The following INSR variants were observed in gnomAD, a reference collection of about 807,000 sequenced individuals.
INSR encodes the protein IR.
A neutral mutation model predicts 142.6 loss-of-function variants in INSR; 67 were observed. The observed-to-expected ratio is 0.47, with a 90% confidence interval of 0.39 to 0.58. The LOEUF is 0.58. INSR is among the 20% of genes least tolerant of loss of function. The pLI is 0.00. For missense variants in INSR, 1,248 were observed against 1,833.2 expected, an observed-to-expected ratio of 0.68 and a Z score of 5.83; for synonymous variants, 756 against 743.1, an observed-to-expected ratio of 1.02 and a Z score of -0.28.
rs181122636 is a variant in INSR at position 7,292,203 on chromosome 19, G to A, written c.100+1589C>T. On this transcript the variant is annotated intron_variant, in intron 1 of 21. Transcript: ENST00000302850. ...CCTCCCGGGTTCAAGCAATTGTCCC[G>A]CCTCAGCCTCCCAAGTAGCTGGGAC... Among the ~76,000 whole-genome samples the A allele has an allele frequency of 2.3e-3, 352 of 151,964 alleles. 3 individuals carry two copies. The highest frequency in any genetic ancestry group is 0.01 in the Middle Eastern group (3 of 294).
rs887665172 is a variant in INSR, at chr19:7,284,049, T to C, written c.100+9743A>G. On this transcript the variant is annotated intron_variant, in intron 1 of 21. Coordinates refer to ENST00000302850, the MANE Select transcript of INSR (RefSeq NM_000208.4). ...ACATGCCTTTGTGTGTGTGTGTTGGTTTTGGAGTTTTTTTGTTTTTTTGGG... is the reference window on the plus strand; with the variant it reads ...ACATGCCTTTGTGTGTGTGTGTTGGCTTTGGAGTTTTTTTGTTTTTTTGGG... Among the ~76,000 whole-genome samples, 22 of 151,710 alleles carry C rather than the reference T, an allele frequency of 1.5e-4. 1 individual carries two copies. The highest frequency in any genetic ancestry group is 6.8e-3 in the Middle Eastern group (2 of 294).
chr19:7,231,524 C>T (rs552019918), intron 2 of INSR, among the ~76,000 whole-genome samples: 1 of 152,034 alleles, frequency 6.6e-6, no homozygotes, highest in East Asian at 1.9e-4. Context: ...TGGTCTCGAA[C>T]TGCTGACCAC....
In INSR at chr19:7,267,677, G is replaced by A. The variant is rs140762552; in HGVS notation, c.320C>T (p.Thr107Met). The A allele has an allele frequency of 3.7e-5, 59 of 1,613,990 alleles. No individual in the cohort carries two copies. The African/African-American group carries it at 6.9e-4, about 19-fold the overall frequency. Residue 107 changes from threonine to methionine, a missense_variant, in exon 2 of 22, where the codon ACG (threonine) becomes ATG (methionine). This residue lies in a region of INSR where 1,069 missense variants were observed against 1,654.0 expected (regional missense o/e 0.65). Coordinates refer to ENST00000302850, the MANE Select transcript of INSR (RefSeq NM_000208.4). This position sits in a 1 kb window ranked among gnomAD's most constrained non-coding sequence, Gnocchi z 6.3. The stretch of plus-strand genomic sequence containing the variant: ...GAACAGTCGTGATCCCCGGATGACC[G>A]TGAGGTTGGGGAACAGGTCCTTCAG... ...ESLKDLFPNL[T>M]VIRGSRLFFN...
At chr19:7,132,059 G>A (rs903057374) in intron 14 of INSR, 99 bp downstream of exon 14, 9 of 1,460,708 alleles carry the variant, frequency 6.2e-6, no homozygotes, top group Non-Finnish European at 8.6e-6. Flanking sequence ...CAAGGCCAGG[G>A]CCAGCACCTG....
At chr19:7,246,081 T>A (rs534960668) in intron 2 of INSR, among the ~76,000 whole-genome samples, 1 of 152,164 alleles carries the variant, frequency 6.6e-6, no homozygotes, top group Non-Finnish European at 1.5e-5. Context: ...GTTATTGTAC[T>A]CATGAACCTA....
At chr19:7,289,492 G>A (rs1968434257) in intron 1 of INSR, among the ~76,000 whole-genome samples, 1 of 136,966 alleles carries the variant, frequency 7.3e-6, no homozygotes, top group African/African-American at 2.7e-5. Flanking sequence ...TGCAAGCTCT[G>A]CCTCCCAGGT....
chr19:7,153,051 C>T, intron 9 of INSR, 124 bp from the exon 10 acceptor site: 2 of 394,200 alleles, frequency 5.1e-6, no homozygotes, highest in Non-Finnish European at 8.9e-6. Context: ...CCACACACCC[C>T]CCCACACACA....
At chr19:7,210,519 T>C (rs1366863170) in intron 2 of INSR, among the ~76,000 whole-genome samples, 5 of 151,982 alleles carry the variant, frequency 3.3e-5, no homozygotes. Flanking sequence ...CACTTTCTCC[T>C]CGCTGTGCGA....
intron 2 of INSR, among the ~76,000 whole-genome samples, chr19:7,196,682 CAT>C (rs1022429096): frequency 3.9e-4 from 59 of 151,850 alleles, no homozygotes; most frequent in African/African-American, 1.1e-3. Context: ...GATAGCTCCA[CAT>C]ATGTTAATAA....
At position 7,125,204 on chromosome 19, in the gene INSR, T is replaced by A; in HGVS notation, c.3258+79A>T. 6.4e-7 allele frequency: 1 copy of A among 1,571,610 alleles called. No individual in the cohort carries two copies. Among genetic ancestry groups the A allele is most frequent in the Non-Finnish European group, 8.7e-7 (1 of 1,146,818 alleles). ...AGGAGGTTACACCCTGTGTCCTCTG[T>A]CGCTCTGTGCAGGAGGAGGAGGCAG... On this transcript the variant is annotated intron_variant, in intron 17 of 21. Coordinates refer to ENST00000302850, the MANE Select transcript of INSR (RefSeq NM_000208.4). The surrounding 1 kb of genome is among the most constrained non-coding windows in gnomAD (Gnocchi z 4.9).
chr19:7,292,743 C>T (rs981309585), intron 1 of INSR, among the ~76,000 whole-genome samples: 4 of 152,154 alleles, frequency 2.6e-5, no homozygotes, highest in African/African-American at 9.7e-5. Context: ...TAAATGATTG[C>T]GCCATCTTCA....
chr19:7,114,522 C>T lies in INSR; in HGVS notation c.*2534G>A, dbSNP rs140963081. The stretch of plus-strand genomic sequence containing the variant: ...AGGCCATACCTTCTCCATCCCAACT[C>T]CCTCCCTCAAAATTCTTACTGGTCC... On this transcript the variant is annotated 3_prime_UTR_variant, in exon 22 of 22. Transcript: ENST00000302850. 158 of 152,660 alleles carry T rather than the reference C, an allele frequency of 1.0e-3. No homozygotes were observed. Among genetic ancestry groups the T allele is most frequent in the African/African-American group, 3.8e-3 (156 of 41,574 alleles). The allele number at this position is 152,660 out of a possible 1,614,324, so 9.5% of individuals were successfully genotyped here. A position where few individuals can be genotyped will look rare whatever the true frequency, so the allele number is the denominator to read the frequency against.
At chr19:7,147,430 C>T (rs1973211640) in intron 11 of INSR, among the ~76,000 whole-genome samples, 1 of 152,144 alleles carries the variant, frequency 6.6e-6, no homozygotes, top group African/African-American at 2.4e-5. Context: ...CTGCCTGGGC[C>T]TCCCAAAGTG....
chr19:7,275,421 T>A (rs1447066930), intron 1 of INSR, among the ~76,000 whole-genome samples: 1 of 152,000 alleles, frequency 6.6e-6, no homozygotes, highest in East Asian at 1.9e-4. Flanking sequence ...TGAGTACTAA[T>A]TTTTTTTACA....
intron 2 of INSR, among the ~76,000 whole-genome samples, chr19:7,222,788 C>T (rs200577866): frequency 4.2e-4 from 64 of 152,216 alleles, no homozygotes; most frequent in East Asian, 1.7e-3. Flanking sequence ...GGTAACTACG[C>T]TTCCTTAGAG....
chr19:7,274,817 A>C (rs1968017710), intron 1 of INSR, among the ~76,000 whole-genome samples: 1 of 151,806 alleles, frequency 6.6e-6, no homozygotes, highest in South Asian at 2.1e-4. Context: ...AAAAAAAAAA[A>C]AAAAATTGAT....
intron 15 of INSR, 30 bp from the exon 16 acceptor site, chr19:7,126,681 TGA>T: frequency 6.4e-7 from 1 of 1,552,624 alleles, no homozygotes; most frequent in South Asian, 1.2e-5. Flanking sequence ...CACGTTAGCT[TGA>T]GATTCTCATG....
At chr19:7,226,373 G>A (rs1033744764) in intron 2 of INSR, among the ~76,000 whole-genome samples, 4 of 134,722 alleles carry the variant, frequency 3.0e-5, no homozygotes, top group Admixed American at 8.0e-5. Flanking sequence ...TCGCACCACT[G>A]CACTCCAGCC....
At chr19:7,137,485 C>A (rs1015146501) in intron 13 of INSR, among the ~76,000 whole-genome samples, 2 of 151,900 alleles carry the variant, frequency 1.3e-5, no homozygotes, top group African/African-American at 4.8e-5. Flanking sequence ...TGCCAGGAGC[C>A]GTTAAGATGC....
Sources: gnomAD v4.1 joint callset for allele counts (sites outside exome capture counted in the v4.1 genomes callset) on GRCh38, gnomAD v4.1.1 for gene constraint, gnomAD v4.1.1 regional missense constraint, Gnocchi (gnomAD v3.1) non-coding constraint, MANE v1.5 for transcripts, NCBI Gene and HGNC (gene_info 2026-07-23, HGNC 2026-07-21) for gene names.